Variants in TAF6 observed in about 807,000 individuals in gnomAD.
TAF6 encodes transcription initiation factor TFIID subunit 6.
TAF6 carries 50 observed loss-of-function variants against 73.5 expected under a neutral mutation model. That is an observed-to-expected ratio of 0.68 (90% CI 0.54 to 0.86). TAF6 has a LOEUF of 0.86. Ranked by LOEUF, TAF6 falls within the 40% of genes least tolerant of loss-of-function variation. The pLI is 0.00. For synonymous variants in TAF6, 424 were observed against 376.7 expected, an observed-to-expected ratio of 1.13 and a Z score of -1.45; for missense variants, 768 against 899.5, an observed-to-expected ratio of 0.85 and a Z score of 1.87.
chr7:100,120,075 T>G (rs2116880516), upstream of TAF6: 1 of 464,928 alleles, frequency 2.2e-6, no homozygotes. Flanking sequence ...TTTTTTTGGC[T>G]GGCTTGGAAC....
Position 100,109,940 on chromosome 7 carries a change from T to C in TAF6, c.1284+8A>G. ...GTGGGCAGGTGTGGGGACAGGGGCT[T>C]CAGTCACCAGCAGGAGGCTCTGCAC... On this transcript the variant is annotated splice_region_variant and intron_variant, in intron 12 of 14. Transcript: ENST00000453269. The C allele has an allele frequency of 2.5e-6, 4 of 1,613,904 alleles. No individual in the cohort carries two copies. Among genetic ancestry groups the C allele is most frequent in the Non-Finnish European group, 3.4e-6 (4 of 1,179,914 alleles).
At chr7:100,124,644 G>A, upstream of TAF6, 1 of 1,612,086 alleles carries the variant, frequency 6.2e-7, no homozygotes, top group Admixed American at 1.7e-5. Flanking sequence ...AAGCGTAAGG[G>A]TTGAACTCCT....
At chr7:100,111,407 C>T in intron 9 of TAF6, 86 bp from the exon 10 acceptor site, 2 of 1,465,944 alleles carry the variant, frequency 1.4e-6, no homozygotes. Flanking sequence ...GGCTGGTGTG[C>T]AGGGACACAA....
chr7:100,119,255 A>C lies in TAF6; in HGVS notation c.-111T>G, dbSNP rs2116874413. Reference sequence around the variant, plus strand: ...ACCTTCAAAGGGTCTCCTCCGGGGTACCACTCAGACCCGCCCCCGCCACCC... The same window carrying C: ...ACCTTCAAAGGGTCTCCTCCGGGGTCCCACTCAGACCCGCCCCCGCCACCC... On this transcript the variant is annotated 5_prime_UTR_variant, in exon 1 of 15. Coordinates refer to ENST00000453269, the MANE Select transcript of TAF6 (RefSeq NM_139315.3). 9.9e-7 allele frequency: 1 copy of C among 1,015,056 alleles called. No homozygotes were observed. 62.9% of individuals were successfully genotyped at this position (1,015,056 alleles called of 1,614,324 possible). A position where few individuals can be genotyped will look rare whatever the true frequency, so the allele number is the denominator to read the frequency against.
chr7:100,107,330 A>T lies in TAF6; in HGVS notation c.1950T>A (p.Ala650=). ...CTGGAGCTGGAGGGGGACTGTCCCC[A>T]GCCTCCTGCTTCCCCCCACAAAGGG... ...GSALCGGKQE[A]GDSPPPAPGT... The change falls in exon 15 of 15, where the codon GCT becomes GCA. Residue 650 remains alanine, a synonymous_variant. Coordinates refer to ENST00000453269, the MANE Select transcript of TAF6 (RefSeq NM_139315.3). 6.5e-7 allele frequency: 1 copy of T among 1,543,758 alleles called. No individual in the cohort carries two copies. Among genetic ancestry groups the T allele is most frequent in the Non-Finnish European group, 8.7e-7 (1 of 1,144,410 alleles).
In TAF6 at chr7:100,113,923, C is replaced by T. The variant is rs1797447126; in HGVS notation, c.188G>A (p.Arg63Gln). The change falls in exon 3 of 15, where the codon CGG becomes CAG. Residue 63 changes from arginine (R) to glutamine (Q), a missense_variant. Physicochemically the swap from Arg to Gln is conservative, Grantham distance 43 (BLOSUM62 1). This residue lies in a region of TAF6 where 269 missense variants were observed against 268.0 expected (regional missense o/e 1.00). Transcript: ENST00000453269. ...DALKFMHMGK[R>Q]QKLTTSDIDY... ...AATGTCACTGGTGGTGAGCTTCTGC[C>T]GCTTCCCCATGTGCATGAACTTCAA... 3 of 1,614,102 alleles carry T rather than the reference C, an allele frequency of 1.9e-6. No individual in the cohort carries two copies. The highest frequency in any genetic ancestry group is 2.5e-6 in the Non-Finnish European group (3 of 1,180,022).
chr7:100,118,465 T>C (rs1797866962), intron 1 of TAF6: 1 of 151,976 alleles, frequency 6.6e-6, no homozygotes, highest in Non-Finnish European at 1.5e-5. Context: ...TGAGACAGCC[T>C]GGTCAACATA....
upstream of TAF6, chr7:100,122,211 G>A: frequency 6.2e-7 from 1 of 1,609,334 alleles, no homozygotes; most frequent in Non-Finnish European, 8.5e-7. Flanking sequence ...ATGAATGGCT[G>A]GTGTGTTTGT....
Position 100,107,178 on chromosome 7 carries a change from G to A in TAF6, c.*68C>T, listed in dbSNP as rs1051542578. On this transcript the variant is annotated 3_prime_UTR_variant, in exon 15 of 15. Transcript: ENST00000453269. Reference sequence around the variant, plus strand: ...CAACTTCCTTCCGCTTAGCGAGCATGCATGTGTGTACGTGCACGTGTGTAC... The same window carrying A: ...CAACTTCCTTCCGCTTAGCGAGCATACATGTGTGTACGTGCACGTGTGTAC... 34 of 1,516,338 alleles carry A rather than the reference G, an allele frequency of 2.2e-5. No individual in the cohort carries two copies. Among genetic ancestry groups the A allele is most frequent in the Non-Finnish European group, 3.0e-5 (34 of 1,134,608 alleles). 93.9% of individuals were successfully genotyped at this position (1,516,338 alleles called of 1,614,324 possible).
rs1278577500 is a variant in TAF6 at position 100,107,997 on chromosome 7, G to A, written c.1585C>T (p.Pro529Ser). Residue 529 changes from proline (P) to serine (S), a missense_variant, in exon 14 of 15, where the codon CCA becomes TCA. Coordinates refer to ENST00000453269, the MANE Select transcript of TAF6 (RefSeq NM_139315.3). ...TTGGTTGGAGGAGGGGAAGGCTGTG[G>A]TGGGGCAGCCGCTCGTGCAGACACC... Reference protein sequence around the residue: ...TLVSARAAAPPQPSPPPTKFI... With the variant: ...TLVSARAAAPSQPSPPPTKFI... 3.7e-6 allele frequency: 6 copies of A among 1,613,924 alleles called. No homozygotes were observed. The highest frequency in any genetic ancestry group is 4.2e-6 in the Non-Finnish European group (5 of 1,180,006).
In TAF6 at chr7:100,109,930, G is replaced by A; in HGVS notation, c.1284+18C>T. 6.2e-7 allele frequency: 1 copy of A among 1,613,538 alleles called. No individual in the cohort carries two copies. Among genetic ancestry groups the A allele is most frequent in the Non-Finnish European group, 8.5e-7 (1 of 1,179,794 alleles). On this transcript the variant is annotated intron_variant, in intron 12 of 14. Coordinates refer to ENST00000453269, the MANE Select transcript of TAF6 (RefSeq NM_139315.3). The stretch of plus-strand genomic sequence containing the variant: ...CTGTGTCTCAGTGGGCAGGTGTGGG[G>A]ACAGGGGCTTCAGTCACCAGCAGGA...
In TAF6 at chr7:100,108,750, C is replaced by A. The variant is rs1470003289; in HGVS notation, c.1285-210G>T. The A allele has an allele frequency of 1.2e-5, 6 of 493,470 alleles. No homozygotes were observed. In the East Asian group the frequency reaches 1.7e-4, roughly 14 times the overall value. The allele number at this position is 493,470 out of a possible 1,614,324, so 30.6% of individuals were successfully genotyped here. On this transcript the variant is annotated intron_variant, in intron 12 of 14. Transcript: ENST00000453269. ...GGGCTTTCTCATAAGAAAAGATGGG[C>A]ACGGGGCCAGGTGCAGCATCTTAGG...
At chr7:100,119,637 C>T, upstream of TAF6, 4 of 1,602,520 alleles carry the variant, frequency 2.5e-6, no homozygotes, top group Non-Finnish European at 3.4e-6. Context: ...CGCCGACCTT[C>T]CTCGGCTGGA....
chr7:100,118,993 C>G (rs371421742), intron 1 of TAF6: 4 of 985,288 alleles, frequency 4.1e-6, no homozygotes, highest in East Asian at 2.3e-4. Context: ...TCATAAAACA[C>G]GCTACAGTCA....
chr7:100,114,122 G>A lies in TAF6; in HGVS notation c.88C>T (p.Gln30Ter). Residue 30 changes from glutamine (Q) to a stop codon, truncating the protein, a stop_gained, in exon 2 of 15, where the codon CAG becomes TAG. Coordinates refer to ENST00000453269, the MANE Select transcript of TAF6 (RefSeq NM_139315.3). LOFTEE classifies it high-confidence loss of function. ...KVVAESMGIA[Q>*]IQEETCQLLT... Reference sequence around the variant, plus strand: ...AGCTGGCAGGTCTCCTCCTGAATCTGGGCGATGCCCATGGATTCAGCCACC... The same window carrying A: ...AGCTGGCAGGTCTCCTCCTGAATCTAGGCGATGCCCATGGATTCAGCCACC... 1.2e-6 allele frequency: 2 copies of A among 1,614,192 alleles called. No homozygotes were observed. The highest frequency in any genetic ancestry group is 1.7e-6 in the Non-Finnish European group (2 of 1,180,042).
At chr7:100,124,638 G>A (rs199801822), upstream of TAF6, 38 of 1,612,390 alleles carry the variant, frequency 2.4e-5, no homozygotes, top group Admixed American at 1.0e-4. Context: ...ACTGGTAAGC[G>A]TAAGGGTTGA....
chr7:100,118,958 G>A (rs1325519311), intron 1 of TAF6: 21 of 985,244 alleles, frequency 2.1e-5, no homozygotes, highest in Non-Finnish European at 2.4e-5. Context: ...TTCAATACCC[G>A]GCGGTACCCT....
chr7:100,107,790 C>T (rs1796699268), intron 14 of TAF6, 136 bp downstream of exon 14: 2 of 1,388,250 alleles, frequency 1.4e-6, no homozygotes, highest in African/African-American at 1.5e-5. Flanking sequence ...TACAGCCCTG[C>T]AGGACCCTGG....
chr7:100,124,917 A>G, the TAF6 span: 2 of 1,560,914 alleles, frequency 1.3e-6, no homozygotes, highest in Non-Finnish European at 1.7e-6. Flanking sequence ...CAGGAGGGGA[A>G]GGGATCATGG....
Sources: allele counts gnomAD v4.1 joint callset, GRCh38; gene constraint gnomAD v4.1.1; regional missense constraint gnomAD v4.1.1; transcripts MANE v1.5; gene names NCBI Gene and HGNC (gene_info 2026-07-23, HGNC 2026-07-21).